The following PCSK7 variants were observed in gnomAD, a reference collection of about 807,000 sequenced individuals.
The protein encoded by PCSK7 is proprotein convertase subtilisin/kexin type 7, also known as lymphoma proprotein convertase.
In PCSK7, 38 loss-of-function variants were observed where a neutral mutation model predicts 73.3. That is an observed-to-expected ratio of 0.52 (90% confidence interval 0.40 to 0.68). The LOEUF (loss-of-function observed/expected upper bound fraction) is 0.68. PCSK7 is among the 30% of genes least tolerant of loss of function. The pLI, the probability that PCSK7 is intolerant of heterozygous loss-of-function variation, is 0.00. For synonymous variants in PCSK7, 296 were observed against 383.8 expected (o/e 0.77, Z 2.68); for missense variants, 692 against 991.5 (o/e 0.70, Z 4.06).
chr11:117,226,855 G>GAGCTGGGA, intron 5 of PCSK7: 1 of 269,416 alleles, frequency 3.7e-6, no homozygotes, highest in Non-Finnish European at 6.9e-6. Context: ...GGGAGCTGGG[G>GAGCTGGGA]AGCTGGGAAA....
chr11:117,223,516 C>T (rs2032289422), intron 8 of PCSK7: 3 of 573,878 alleles, frequency 5.2e-6, no homozygotes, highest in East Asian at 5.7e-5. Flanking sequence ...TGCCGCAATA[C>T]CATTCTTTCA....
Position 117,205,222 on chromosome 11 carries a change from C to T in PCSK7, c.*775G>A. 8.6e-6 allele frequency: 2 copies of T among 233,666 alleles called. No individual in the cohort carries two copies. The highest frequency in any genetic ancestry group is 1.2e-4 in the East Asian group (2 of 16,570). The allele number at this position is 233,666 out of a possible 1,614,324, so 14.5% of individuals were successfully genotyped here. On this transcript the variant is annotated 3_prime_UTR_variant, in exon 17 of 17. Transcript: ENST00000320934. The stretch of plus-strand genomic sequence containing the variant: ...AGAAGGCCAAGGTTGAGAGAAGAGT[C>T]ACAGCCTGTCAGGCAGATAGCTGGC...
intron 12 of PCSK7, chr11:117,215,628 C>T (rs1171296978): frequency 6.6e-6 from 1 of 151,104 alleles, no homozygotes; most frequent in African/African-American, 2.4e-5. Context: ...GTCTCGATCT[C>T]CTGACCTTGT....
At chr11:117,217,157 A>C (rs543307077) in intron 12 of PCSK7, 5 of 152,298 alleles carry the variant, frequency 3.3e-5, no homozygotes, top group African/African-American at 1.2e-4. Flanking sequence ...TTTTAGTGAC[A>C]AGCAAGCAGT....
chr11:117,227,098 A>T, intron 5 of PCSK7, 59 bp downstream of exon 5: 1 of 1,375,488 alleles, frequency 7.3e-7, no homozygotes, highest in Non-Finnish European at 1.0e-6. Flanking sequence ...GGGGTGCAGG[A>T]AATGAAGACT....
intron 8 of PCSK7, 149 bp downstream of exon 8, chr11:117,223,929 G>T: frequency 1.3e-6 from 1 of 774,830 alleles, no homozygotes; most frequent in Non-Finnish European, 2.2e-6. Flanking sequence ...AAGTCCCAAG[G>T]TCCTCTGCAA....
chr11:117,219,889 G>A, intron 9 of PCSK7, 131 bp from the exon 10 acceptor site: 1 of 582,718 alleles, frequency 1.7e-6, no homozygotes, highest in Non-Finnish European at 3.0e-6. Flanking sequence ...AGTTATGACT[G>A]TGCCACTGCA....
chr11:117,206,975 G>A, intron 15 of PCSK7, 92 bp downstream of exon 15: 1 of 1,447,120 alleles, frequency 6.9e-7, no homozygotes, highest in East Asian at 2.3e-5. Context: ...CTGGAACTGG[G>A]AAGCACAGCT....
intron 4 of PCSK7, 66 bp downstream of exon 4, chr11:117,228,150 A>G (rs919855955): frequency 1.3e-6 from 2 of 1,524,440 alleles, no homozygotes; most frequent in African/African-American, 2.7e-5. Context: ...AGGGGACAAG[A>G]CTGAGGCAAC....
chr11:117,223,866 G>A (rs933724216), intron 8 of PCSK7: 3 of 566,194 alleles, frequency 5.3e-6, no homozygotes, highest in Non-Finnish European at 9.4e-6. Context: ...AGGCAGCTCG[G>A]TGATCTCCAG....
chr11:117,220,332 T>G (rs939329644), intron 9 of PCSK7: 2 of 152,538 alleles, frequency 1.3e-5, no homozygotes, highest in Non-Finnish European at 2.9e-5. Flanking sequence ...AGCCTCGAAC[T>G]CCTGGGTTCC....
chr11:117,228,337 C>T lies in PCSK7; in HGVS notation c.482G>A (p.Ser161Asn). Residue 161 changes from serine (S) to asparagine (N), a missense_variant, in exon 4 of 17, where the codon AGC becomes AAC. This residue lies in a region of PCSK7 where 574 missense variants were observed against 689.8 expected (regional missense o/e 0.83). Transcript: ENST00000320934. ...PQQWHLNNRRSPGRDINVTGV... is the reference protein window; with the variant it reads ...PQQWHLNNRRNPGRDINVTGV... ...CGTCACGTTGATGTCCCTGCCCGGG[C>T]TCCGTCGGTTATTCTGTAAGAGAGA... 6.2e-7 allele frequency: 1 copy of T among 1,614,098 alleles called. No individual in the cohort carries two copies. The highest frequency in any genetic ancestry group is 2.2e-5 in the East Asian group (1 of 44,882).
At position 117,223,194 on chromosome 11, in the gene PCSK7, C is replaced by T. The variant is rs377349019; in HGVS notation, c.1155+14G>A. 24 of 1,525,826 alleles carry T rather than the reference C, an allele frequency of 1.6e-5. No homozygotes were observed. The highest frequency in any genetic ancestry group is 1.1e-4 in the African/African-American group (8 of 73,194). 94.5% of individuals were successfully genotyped at this position (1,525,826 alleles called of 1,614,324 possible). On this transcript the variant is annotated intron_variant, in intron 9 of 16. Transcript: ENST00000320934. ...GGAAAGGGGCAGGCCGTGGAGGGCC[C>T]GGGAGGCACTCACAATGCTCCGAAG...
chr11:117,230,663 C>G (rs2032612460), intron 1 of PCSK7, among the ~76,000 whole-genome samples, 195 bp from the exon 2 acceptor site: 1 of 152,202 alleles, frequency 6.6e-6, no homozygotes, highest in Admixed American at 6.5e-5. Flanking sequence ...AACCCACTTC[C>G]TGTGCTATCG....
intron 12 of PCSK7, chr11:117,213,670 T>C (rs1290552416): frequency 6.6e-6 from 1 of 151,966 alleles, no homozygotes; most frequent in African/African-American, 2.4e-5. Context: ...CCAAAAGGAG[T>C]GCTTGTCTGC....
At position 117,223,232 on chromosome 11, in the gene PCSK7, A is replaced by G; in HGVS notation, c.1131T>C (p.Gly377=). ...CAATGCTCCGAAGCATCTTGTCCCC[A>G]CCACTGAAGGTGACTGCCAGCATGG... ...CASMLAVTFS[G]GDKMLRSIVT... Residue 377 remains glycine, a synonymous_variant, in exon 9 of 17, where the codon GGT becomes GGC. Coordinates refer to ENST00000320934, the MANE Select transcript of PCSK7 (RefSeq NM_004716.4). The G allele has an allele frequency of 6.2e-7, 1 of 1,613,036 alleles. No individual in the cohort carries two copies. Among genetic ancestry groups the G allele is most frequent in the Non-Finnish European group, 8.5e-7 (1 of 1,179,056 alleles).
At chr11:117,231,564 G>C (rs906322488) in intron 1 of PCSK7, among the ~76,000 whole-genome samples, 1 of 152,194 alleles carries the variant, frequency 6.6e-6, no homozygotes, top group African/African-American at 2.4e-5. Flanking sequence ...AGCTCCTTCT[G>C]TCTACTAGTG....
In PCSK7 at chr11:117,219,146, C is replaced by G; in HGVS notation, c.1342G>C (p.Glu448Gln). ...TATRYEDRRAEWVTNEAGFSH... is the reference protein window; with the variant it reads ...TATRYEDRRAQWVTNEAGFSH... ...AAGCCTGCCTCGTTGGTGACCCACT[C>G]TGCACGGCGATCCTCATACTGAAAG... is the stretch of plus-strand genomic sequence containing the variant. The change falls in exon 11 of 17, where the codon GAG becomes CAG. Residue 448 changes from glutamate to glutamine, a missense_variant. Physicochemically the swap from Glu to Gln is conservative, Grantham distance 29 (BLOSUM62 2). This residue lies in a region of PCSK7 where 574 missense variants were observed against 689.8 expected (regional missense o/e 0.83). Coordinates refer to ENST00000320934, the MANE Select transcript of PCSK7 (RefSeq NM_004716.4). 6.2e-7 allele frequency: 1 copy of G among 1,610,344 alleles called. No individual in the cohort carries two copies.
rs766815167 is a variant in PCSK7, at chr11:117,228,109, C to A, written c.603+107G>T. On this transcript the variant is annotated intron_variant, in intron 4 of 16. Coordinates refer to ENST00000320934, the MANE Select transcript of PCSK7 (RefSeq NM_004716.4). ...GATGAACCCCATCCCACCTCCCAGGCTCTTTTATTTGGCCCAAAGACCTCT... is the reference window on the plus strand; with the variant it reads ...GATGAACCCCATCCCACCTCCCAGGATCTTTTATTTGGCCCAAAGACCTCT... 3.7e-6 allele frequency: 4 copies of A among 1,074,812 alleles called. No individual in the cohort carries two copies. The Admixed American group carries it at 9.0e-5, about 24-fold the overall frequency. The allele number at this position is 1,074,812 out of a possible 1,614,324, so 66.6% of individuals were successfully genotyped here. A position where few individuals can be genotyped will look rare whatever the true frequency, so the allele number is the denominator to read the frequency against.
Sources: gnomAD v4.1 joint callset for allele counts (sites outside exome capture counted in the v4.1 genomes callset) on GRCh38, gnomAD v4.1.1 for gene constraint, gnomAD v4.1.1 regional missense constraint, MANE v1.5 for transcripts, NCBI Gene and HGNC (gene_info 2026-07-23, HGNC 2026-07-21) for gene names.